Variants in INSC observed in about 807,000 individuals in gnomAD.
INSC encodes the protein protein inscuteable homolog.
INSC carries 67 observed loss-of-function variants against 58.6 expected under a neutral mutation model. The observed-to-expected ratio is 1.14, with a 90% CI of 0.94 to 1.40. INSC has a LOEUF of 1.40. Among genes scored for constraint, INSC ranks in the 40% most tolerant of loss-of-function variants. INSC has a pLI of 0.00. For synonymous variants in INSC, 262 were observed against 276.1 expected, an observed-to-expected ratio of 0.95 and a Z score of 0.51; for missense variants, 714 against 692.0, an observed-to-expected ratio of 1.03 and a Z score of -0.36.
At chr11:15,269,243 G>A in the INSC span, among the ~76,000 whole-genome samples, 4 of 151,936 alleles carry the variant, frequency 2.6e-5, no homozygotes, top group Non-Finnish European at 4.4e-5. Context: ...TGGGTACTTT[G>A]ATTAAATCTT....
chr11:15,148,402 G>A (rs539835338), intron 1 of INSC, among the ~76,000 whole-genome samples: 1 of 152,302 alleles, frequency 6.6e-6, no homozygotes, highest in South Asian at 2.1e-4. Context: ...ATTGCAAGAT[G>A]GTCTGTAGCA....
At chr11:15,113,716 C>T (rs765996307), upstream of INSC, among the ~76,000 whole-genome samples, 3 of 152,128 alleles carry the variant, frequency 2.0e-5, no homozygotes, top group Admixed American at 6.5e-5. Flanking sequence ...ATTTGGCCAC[C>T]TTCTGAGCCC....
At chr11:15,113,402 A>G (rs1450458000), upstream of INSC, among the ~76,000 whole-genome samples, 1 of 152,094 alleles carries the variant, frequency 6.6e-6, no homozygotes, top group Non-Finnish European at 1.5e-5. Context: ...TTTGTGATCT[A>G]TCCACCTTGG....
At chr11:15,125,206 A>C (rs1268550998) in intron 1 of INSC, among the ~76,000 whole-genome samples, 1 of 152,160 alleles carries the variant, frequency 6.6e-6, no homozygotes, top group Admixed American at 6.5e-5. Flanking sequence ...AAGCCAAATA[A>C]AGGAAGAGTA....
Position 15,246,078 on chromosome 11 carries a change from AC to A in INSC, c.*43del. ...AAGAAATACATTTGGCTGTTCTCAC[AC>A]CCCCTCTGACTATGCACCAGTGAAC... On this transcript the variant is annotated 3_prime_UTR_variant, in exon 13 of 13. Coordinates refer to ENST00000379556, the MANE Select transcript of INSC (RefSeq NM_001042536.3). The A allele has an allele frequency of 6.2e-7, 1 of 1,611,894 alleles. No individual in the cohort carries two copies. The highest frequency in any genetic ancestry group is 8.5e-7 in the Non-Finnish European group (1 of 1,178,514).
At chr11:15,199,858 TGCC>T (rs1220604060) in intron 6 of INSC, among the ~76,000 whole-genome samples, 1 of 152,198 alleles carries the variant, frequency 6.6e-6, no homozygotes, top group Non-Finnish European at 1.5e-5. Context: ...ATCCAATTCC[TGCC>T]ACTCTAAATG....
At chr11:15,255,254 A>G in the INSC span, among the ~76,000 whole-genome samples, 1 of 152,242 alleles carries the variant, frequency 6.6e-6, no homozygotes, top group Non-Finnish European at 1.5e-5. Flanking sequence ...TTTGAAAAAA[A>G]GTTTACATTT....
chr11:15,189,495 A>G (rs1284426184), intron 5 of INSC, among the ~76,000 whole-genome samples: 2 of 152,116 alleles, frequency 1.3e-5, no homozygotes, highest in African/African-American at 4.8e-5. Context: ...AATCTTCCAA[A>G]TAGCTGGAAC....
At chr11:15,113,143 T>TTCTTTCTCTCTCTC, upstream of INSC, among the ~76,000 whole-genome samples, 9 of 98,662 alleles carry the variant, frequency 9.1e-5, no homozygotes, top group South Asian at 3.6e-4. Context: ...CTTTCTTTCT[T>TTCTTTCTCTCTCTC]TCTGTCTCTC....
the INSC span, among the ~76,000 whole-genome samples, chr11:15,256,593 G>A: frequency 2.6e-5 from 4 of 151,706 alleles, no homozygotes; most frequent in Admixed American, 1.3e-4. Context: ...AGTTTCAAGC[G>A]ATTCTCTTGC....
the INSC span, among the ~76,000 whole-genome samples, chr11:15,258,744 G>C: frequency 6.6e-6 from 1 of 152,172 alleles, no homozygotes; most frequent in Non-Finnish European, 1.5e-5. Context: ...TCTCTGACCT[G>C]GGGCGGGTGT....
intron 5 of INSC, among the ~76,000 whole-genome samples, chr11:15,186,102 C>T (rs1033234745): frequency 3.9e-5 from 6 of 152,172 alleles, no homozygotes; most frequent in African/African-American, 1.4e-4. Flanking sequence ...GAACATCATC[C>T]TCAGCAGATA....
Position 15,240,445 on chromosome 11 carries a change from A to C in INSC, c.1394-2A>C. ...CTGAGGCTCTCCCTGTGTCTCCTACAGGCATGTCCCGTCTCATCGAGCTCT... is the reference window on the plus strand; with the variant it reads ...CTGAGGCTCTCCCTGTGTCTCCTACCGGCATGTCCCGTCTCATCGAGCTCT... On this transcript the variant is annotated splice_acceptor_variant, in intron 11 of 12. Coordinates refer to ENST00000379556, the MANE Select transcript of INSC (RefSeq NM_001042536.3). LOFTEE classifies it high-confidence loss of function. The C allele has an allele frequency of 6.2e-7, 1 of 1,613,608 alleles. No homozygotes were observed. Among genetic ancestry groups the C allele is most frequent in the Non-Finnish European group, 8.5e-7 (1 of 1,179,760 alleles).
chr11:15,112,849 C>T (rs1048436710), upstream of INSC, among the ~76,000 whole-genome samples: 12 of 152,214 alleles, frequency 7.9e-5, no homozygotes, highest in Middle Eastern at 3.4e-3. Context: ...TTTCCAGGTG[C>T]TTTACATCCT....
chr11:15,182,716 TCCCCA>T (rs763539727), intron 5 of INSC, among the ~76,000 whole-genome samples: 2 of 152,234 alleles, frequency 1.3e-5, no homozygotes, highest in Non-Finnish European at 2.9e-5. Flanking sequence ...TGCACTGCAT[TCCCCA>T]GGTTCTCAAA....
At chr11:15,225,897 G>T (rs1421096197) in intron 9 of INSC, 69 bp downstream of exon 9, 3 of 1,486,636 alleles carry the variant, frequency 2.0e-6, no homozygotes, top group Non-Finnish European at 2.7e-6. Context: ...AGGCCAGCAC[G>T]TAGTTTCTGA....
intron 9 of INSC, among the ~76,000 whole-genome samples, chr11:15,229,985 A>AT (rs1851827035): frequency 8.0e-5 from 2 of 24,848 alleles, no homozygotes; most frequent in Non-Finnish European, 1.3e-4. Flanking sequence ...TATATTATAT[A>AT]TATATATATA....
intron 1 of INSC, among the ~76,000 whole-genome samples, chr11:15,122,220 G>A (rs577045209): frequency 1.2e-4 from 18 of 152,282 alleles, no homozygotes; most frequent in Admixed American, 5.2e-4. Context: ...GAGAGTAATG[G>A]GGTAGGAATA....
At chr11:15,124,619 G>A (rs1357155655) in intron 1 of INSC, among the ~76,000 whole-genome samples, 1 of 152,084 alleles carries the variant, frequency 6.6e-6, no homozygotes, top group Non-Finnish European at 1.5e-5. Context: ...TGGGAGAGTA[G>A]GATTTTAAAA....
Sources: allele counts gnomAD v4.1 joint callset (sites outside exome capture counted in the v4.1 genomes callset), GRCh38; gene constraint gnomAD v4.1.1; transcripts MANE v1.5; gene names NCBI Gene and HGNC (gene_info 2026-07-23, HGNC 2026-07-21).